Variants in ADK observed in about 807,000 individuals in gnomAD.
ADK encodes N6,N6-dimethyladenosine kinase.
A neutral mutation model predicts 44.7 loss-of-function variants in ADK; 24 were observed. That is an observed-to-expected ratio of 0.54 (90% CI 0.39 to 0.76). The LOEUF is 0.76. Among genes scored for constraint, ADK ranks in the 30% least tolerant of loss-of-function variants. ADK has a pLI of 0.00. For synonymous variants in ADK, 128 were observed against 142.6 expected (o/e 0.90, Z 0.73); for missense variants, 321 against 425.1 (o/e 0.76, Z 2.15).
chr10:74,261,061 T>C (rs535720534), intron 3 of ADK, among the ~76,000 whole-genome samples: 1 of 152,360 alleles, frequency 6.6e-6, no homozygotes, highest in African/African-American at 2.4e-5. Flanking sequence ...GTGCACCCAG[T>C]TCTGAAAAGT....
Position 74,541,804 on chromosome 10 carries a change from C to CG in ADK, c.726+16378_726+16379insG, listed in dbSNP as rs1009900485. 5.1e-5 allele frequency among the ~76,000 whole-genome samples: 7 copies of CG among 137,198 alleles called. 1 individual carries two copies. The highest frequency in any genetic ancestry group is 1.1e-4 in the Non-Finnish European group (7 of 63,278). The allele number at this position is 137,198 out of a possible 152,430, so 90.0% of individuals were successfully genotyped here. ...CGAGAACCCCCACACACCCCCCCCC[C>CG]CTAAAAAAAAACAACACAACACAGA... is the stretch of plus-strand genomic sequence containing the variant. On this transcript the variant is annotated intron_variant, in intron 7 of 10. Coordinates refer to ENST00000539909, the MANE Select transcript of ADK (RefSeq NM_006721.4).
intron 3 of ADK, among the ~76,000 whole-genome samples, chr10:74,243,747 C>T (rs915305916): frequency 7.2e-5 from 11 of 152,218 alleles, no homozygotes; most frequent in Admixed American, 5.2e-4. Context: ...CTTGTGGTCC[C>T]AGCTACTTGG....
intron 6 of ADK, among the ~76,000 whole-genome samples, chr10:74,413,751 GA>G (rs1216473736): frequency 9.9e-5 from 15 of 152,260 alleles, no homozygotes; most frequent in Admixed American, 2.6e-4. Context: ...TTTGTTGTGA[GA>G]GGTCAAACTT....
intron 9 of ADK, among the ~76,000 whole-genome samples, chr10:74,610,141 C>T (rs190485510): frequency 1.3e-4 from 20 of 152,172 alleles, no homozygotes; most frequent in African/African-American, 4.6e-4. Context: ...GCATTATTCA[C>T]AATAACCAAA....
chr10:74,252,852 C>G (rs1845696019), intron 3 of ADK, among the ~76,000 whole-genome samples: 1 of 152,202 alleles, frequency 6.6e-6, no homozygotes, highest in African/African-American at 2.4e-5. Context: ...AACTGCTATT[C>G]CTTTTCACTT....
At chr10:74,495,408 A>G (rs1402153090) in intron 6 of ADK, among the ~76,000 whole-genome samples, 1 of 152,192 alleles carries the variant, frequency 6.6e-6, no homozygotes, top group African/African-American at 2.4e-5. Context: ...ACAATGTACA[A>G]AATGAGACCT....
At position 74,525,409 on chromosome 10, in the gene ADK, C is replaced by G; in HGVS notation, c.709C>G (p.Leu237Val). Residue 237 changes from leucine to valine, a missense_variant, in exon 7 of 11, where the codon CTT (leucine) becomes GTT (valine). Coordinates refer to ENST00000539909, the MANE Select transcript of ADK (RefSeq NM_006721.4). ...LMKVMPYVDI[L>V]FGNETEAATF... is the part of the protein sequence containing the mutation. ...GAAAGTTATGCCTTATGTTGATATA[C>G]TTTTTGGAAATGAGACAGTGAGTTA... 2 of 1,612,798 alleles carry G rather than the reference C, an allele frequency of 1.2e-6. No homozygotes were observed. The highest frequency in any genetic ancestry group is 1.7e-6 in the Non-Finnish European group (2 of 1,179,682).
At chr10:74,663,842 A>G (rs1197608249) in intron 9 of ADK, among the ~76,000 whole-genome samples, 3 of 152,116 alleles carry the variant, frequency 2.0e-5, no homozygotes, top group Non-Finnish European at 4.4e-5. Context: ...CATCTTTTTT[A>G]TTGCCCTGTT....
chr10:74,602,142 A>G (rs950107282), intron 9 of ADK, among the ~76,000 whole-genome samples: 3 of 150,700 alleles, frequency 2.0e-5, no homozygotes, highest in Admixed American at 6.6e-5. Flanking sequence ...ACGGAGGGCA[A>G]TGGAGTCAAA....
chr10:74,314,355 C>G (rs998520903), intron 3 of ADK, among the ~76,000 whole-genome samples: 1 of 152,018 alleles, frequency 6.6e-6, no homozygotes, highest in African/African-American at 2.4e-5. Context: ...TTTGACTTAA[C>G]CAGTTTGCCA....
chr10:74,392,876 T>A (rs954841253), intron 4 of ADK, among the ~76,000 whole-genome samples: 30 of 152,132 alleles, frequency 2.0e-4, no homozygotes, highest in African/African-American at 7.2e-4. Flanking sequence ...GAGCTTTTCC[T>A]TTTTTTGTGT....
intron 3 of ADK, among the ~76,000 whole-genome samples, chr10:74,308,143 T>A (rs1840317913): frequency 6.6e-6 from 1 of 152,188 alleles, no homozygotes; most frequent in African/African-American, 2.4e-5. Context: ...AAAATGCTTT[T>A]CAGCAGTATA....
intron 7 of ADK, among the ~76,000 whole-genome samples, chr10:74,540,734 C>T (rs1849598380): frequency 6.6e-6 from 1 of 152,106 alleles, no homozygotes; most frequent in Admixed American, 6.5e-5. Flanking sequence ...GCTGGGGTTA[C>T]AGGAGTGAGA....
At chr10:74,596,752 G>T (rs1191735919) in intron 8 of ADK, among the ~76,000 whole-genome samples, 2 of 152,122 alleles carry the variant, frequency 1.3e-5, no homozygotes, top group South Asian at 2.1e-4. Flanking sequence ...TTACTACGTT[G>T]CCCAGGCTAG....
At chr10:74,161,326 C>T (rs550232055) in intron 1 of ADK, among the ~76,000 whole-genome samples, 6 of 152,070 alleles carry the variant, frequency 3.9e-5, no homozygotes, top group Admixed American at 1.3e-4. Context: ...CTCAGCCTCC[C>T]GAGTAGCTGG....
chr10:74,202,651 A>G (rs956870374), intron 2 of ADK, among the ~76,000 whole-genome samples: 16 of 152,220 alleles, frequency 1.1e-4, no homozygotes, highest in Non-Finnish European at 1.5e-5. Context: ...AATTATAGCC[A>G]TATGAGTGGG....
At chr10:74,609,557 G>A (rs1852465613) in intron 9 of ADK, among the ~76,000 whole-genome samples, 2 of 152,074 alleles carry the variant, frequency 1.3e-5, no homozygotes, top group Non-Finnish European at 2.9e-5. Flanking sequence ...CTCGCCCTTT[G>A]TGGGCTGCAC....
chr10:74,151,396 G>T, intron 1 of ADK, 53 bp downstream of exon 1: 4 of 1,537,328 alleles, frequency 2.6e-6, no homozygotes, highest in Non-Finnish European at 3.5e-6. Context: ...AGCAAGCCAG[G>T]GCCCACGTGG....
chr10:74,544,878 G>A (rs769939742), intron 7 of ADK, among the ~76,000 whole-genome samples: 3 of 151,584 alleles, frequency 2.0e-5, no homozygotes, highest in African/African-American at 4.9e-5. Context: ...AATGAAAACC[G>A]AGGAGTTTTT....
Sources: gnomAD v4.1 joint callset for allele counts (sites outside exome capture counted in the v4.1 genomes callset) on GRCh38, gnomAD v4.1.1 for gene constraint, MANE v1.5 for transcripts, NCBI Gene and HGNC (gene_info 2026-07-23, HGNC 2026-07-21) for gene names.